Variants in GABRA4 observed in about 807,000 individuals in gnomAD.
The protein encoded by GABRA4 is gamma-aminobutyric acid type A receptor subunit alpha4, also known as gamma-aminobutyric acid receptor subunit alpha-4.
GABRA4 carries 12 observed loss-of-function variants against 49.7 expected under a neutral mutation model. That is an observed-to-expected ratio of 0.24 (90% CI 0.15 to 0.39). The LOEUF (loss-of-function observed/expected upper bound fraction) is 0.39, where lower values mean the gene tolerates loss of function less well. Among genes scored for constraint, GABRA4 ranks in the 10% least tolerant of loss-of-function variants. The pLI, the probability that GABRA4 is intolerant of heterozygous loss-of-function variation, is 1.00. For synonymous variants in GABRA4, 288 were observed against 240.2 expected, an observed-to-expected ratio of 1.20 and a Z score of -1.84; for missense variants, 506 against 686.0, an observed-to-expected ratio of 0.74 and a Z score of 2.93.
At chr4:46,959,932 C>T (rs1200500826) in intron 8 of GABRA4, among the ~76,000 whole-genome samples, 1 of 150,638 alleles carries the variant, frequency 6.6e-6, no homozygotes, top group Non-Finnish European at 1.5e-5. Flanking sequence ...TTAGTAGCTA[C>T]ATGAGACAGT....
chr4:46,928,370 G>T lies in GABRA4; in HGVS notation c.1520C>A (p.Ala507Asp), dbSNP rs532641072. ...GKLSATPPPS[A>D]PPPSGSGTSK... Reference sequence around the variant, plus strand: ...TGTGCCAGATCCAGAAGGTGGTGGAGCCGATGGAGGAGGAGTAGCTGACAA... The same window carrying T: ...TGTGCCAGATCCAGAAGGTGGTGGATCCGATGGAGGAGGAGTAGCTGACAA... Residue 507 changes from alanine to aspartate, a missense_variant, in exon 9 of 9, where the codon GCT (alanine) becomes GAT (aspartate). Around this residue, in one of 5 missense-constraint regions of GABRA4, gnomAD observed 243 missense variants for 210.8 expected, o/e 1.15. Coordinates refer to ENST00000264318, the MANE Select transcript of GABRA4 (RefSeq NM_000809.4). 6.2e-7 allele frequency: 1 copy of T among 1,613,714 alleles called. No homozygotes were observed. Among genetic ancestry groups the T allele is most frequent in the South Asian group, 1.1e-5 (1 of 91,080 alleles).
intron 8 of GABRA4, among the ~76,000 whole-genome samples, chr4:46,942,503 T>C (rs1215193395): frequency 6.6e-6 from 1 of 151,898 alleles, no homozygotes; most frequent in Non-Finnish European, 1.5e-5. Flanking sequence ...TGCACACCTG[T>C]AATCCCAGCT....
chr4:46,971,190 A>T lies in GABRA4; in HGVS notation c.767T>A (p.Met256Lys). The T allele has an allele frequency of 6.2e-7, 1 of 1,609,604 alleles. No homozygotes were observed. Among genetic ancestry groups the T allele is most frequent in the Non-Finnish European group, 8.5e-7 (1 of 1,176,990 alleles). ...MTVYFHLRRK[M>K]GYFMIQTYIP... ...ATAGGTCTGAATCATAAAATAACCC[A>T]TCTTCCGTCTGAGGTGGAAGTAAAC... Residue 256 changes from methionine to lysine, a missense_variant, in exon 7 of 9, where the codon ATG becomes AAG. This residue lies in a region of GABRA4 where 195 missense variants were observed against 326.0 expected (regional missense o/e 0.60). Coordinates refer to ENST00000264318, the MANE Select transcript of GABRA4 (RefSeq NM_000809.4).
rs41303783 is a variant in GABRA4, at chr4:46,993,548, C to T, written c.-124G>A. On this transcript the variant is annotated 5_prime_UTR_variant, in exon 1 of 9. Transcript: ENST00000264318. ...GCGCACACTCGCGCTCACACTCGCC[C>T]GCGCTCAGCCAGCCCGAGCCGCGGT... is the stretch of plus-strand genomic sequence containing the variant. 9.8e-6 allele frequency: 10 copies of T among 1,021,742 alleles called. No homozygotes were observed. The highest frequency in any genetic ancestry group is 1.5e-5 in the South Asian group (1 of 68,938). 63.3% of individuals were successfully genotyped at this position (1,021,742 alleles called of 1,614,324 possible).
At chr4:46,957,326 C>CT in intron 8 of GABRA4, among the ~76,000 whole-genome samples, 1 of 151,678 alleles carries the variant, frequency 6.6e-6, no homozygotes, top group African/African-American at 2.4e-5. Context: ...TTTATACATT[C>CT]TTTTTTTAAC....
At position 46,965,061 on chromosome 4, in the gene GABRA4, A is replaced by G. The variant is rs757704216; in HGVS notation, c.1043T>C (p.Met348Thr). The G allele has an allele frequency of 2.5e-6, 4 of 1,612,108 alleles. No homozygotes were observed. The highest frequency in any genetic ancestry group is 3.4e-6 in the Non-Finnish European group (4 of 1,178,816). ...AAVNYFTNIQ[M>T]EKAKRKTSKP... ...TGATGTCTTCCTTTTGGCTTTTTCC[A>G]TTTGAATATTGGTGAAATAGTTGAC... The change falls in exon 8 of 9, where the codon ATG becomes ACG. Residue 348 changes from methionine (M) to threonine (T), a missense_variant. Transcript: ENST00000264318.
At position 46,927,877 on chromosome 4, in the gene GABRA4, T is replaced by G. The variant is rs1259160997; in HGVS notation, c.*348A>C. The G allele has an allele frequency of 5.4e-6, 1 of 184,074 alleles. No individual in the cohort carries two copies. Among genetic ancestry groups the G allele is most frequent in the African/African-American group, 2.4e-5 (1 of 41,774 alleles). 11.4% of individuals were successfully genotyped at this position (184,074 alleles called of 1,614,324 possible). On this transcript the variant is annotated 3_prime_UTR_variant, in exon 9 of 9. Coordinates refer to ENST00000264318, the MANE Select transcript of GABRA4 (RefSeq NM_000809.4). ...GAAATTTAGGGTGGCAGGTTGATAC[T>G]CATAGGGCAGATTTTTAAAATGTCA...
At chr4:46,946,003 T>C (rs905495168) in intron 8 of GABRA4, among the ~76,000 whole-genome samples, 7 of 152,244 alleles carry the variant, frequency 4.6e-5, no homozygotes, top group African/African-American at 1.7e-4. Flanking sequence ...TGGGAAGAGC[T>C]GACTGTTGAA....
At position 46,974,338 on chromosome 4, in the gene GABRA4, T is replaced by C. The variant is rs1157698387; in HGVS notation, c.615A>G (p.Thr205=). ...CTTCAACTGATTTCTCAGGACCTTT[T>C]GTCCAGGTATAGATCATCTCACTCT... ...YPKSEMIYTW[T]KGPEKSVEVP... The change falls in exon 6 of 9, where the codon ACA becomes ACG. Residue 205 remains threonine, a synonymous_variant. Coordinates refer to ENST00000264318, the MANE Select transcript of GABRA4 (RefSeq NM_000809.4). 6.2e-7 allele frequency: 1 copy of C among 1,611,632 alleles called. No individual in the cohort carries two copies. The highest frequency in any genetic ancestry group is 8.5e-7 in the Non-Finnish European group (1 of 1,178,450).
At chr4:46,973,437 T>C (rs1723027377) in intron 6 of GABRA4, among the ~76,000 whole-genome samples, 1 of 151,740 alleles carries the variant, frequency 6.6e-6, no homozygotes, top group Admixed American at 6.6e-5. Flanking sequence ...TGGGTCCTCA[T>C]TGAACACTGA....
In GABRA4 at chr4:46,974,275, C is replaced by T; in HGVS notation, c.678G>A (p.Leu226=). The T allele has an allele frequency of 6.2e-7, 1 of 1,611,540 alleles. No individual in the cohort carries two copies. Among genetic ancestry groups the T allele is most frequent in the East Asian group, 2.2e-5 (1 of 44,748 alleles). ...KESSSLVQYD[L]IGQTVSSETI... ...TTTCACTTGATACGGTTTGCCCAAT[C>T]AAATCATATTGAACTAAGCTGGAAG... Residue 226 remains leucine (L), a synonymous_variant, in exon 6 of 9, where the codon TTG becomes TTA. Transcript: ENST00000264318.
intron 8 of GABRA4, among the ~76,000 whole-genome samples, chr4:46,940,171 T>C (rs749846156): frequency 1.4e-4 from 22 of 152,238 alleles, no homozygotes; most frequent in South Asian, 2.1e-4. Context: ...ATCTATTCCC[T>C]ATCTTTCTTC....
chr4:46,928,480 A>T lies in GABRA4; in HGVS notation c.1410T>A (p.Val470=). The T allele has an allele frequency of 6.2e-7, 1 of 1,613,658 alleles. No individual in the cohort carries two copies. The highest frequency in any genetic ancestry group is 8.5e-7 in the Non-Finnish European group (1 of 1,179,704). Residue 470 remains valine, a synonymous_variant, in exon 9 of 9, where the codon GTT becomes GTA. Transcript: ENST00000264318. The part of the protein sequence containing the change: ...RTGYMPRKAS[V]GSASTRHVFG... ...ACACGTGACGAGTAGAAGCAGATCCAACTGAAGCCTTTCGAGGCATATATC... is the reference window on the plus strand; with the variant it reads ...ACACGTGACGAGTAGAAGCAGATCCTACTGAAGCCTTTCGAGGCATATATC...
chr4:46,959,261 CAGG>C (rs1406787838), intron 8 of GABRA4, among the ~76,000 whole-genome samples: 3 of 151,844 alleles, frequency 2.0e-5, no homozygotes, highest in Non-Finnish European at 4.4e-5. Context: ...GATCTAGAAT[CAGG>C]AGGATGGGTG....
chr4:46,937,269 C>A (rs999669373), intron 8 of GABRA4, among the ~76,000 whole-genome samples: 31 of 152,178 alleles, frequency 2.0e-4, no homozygotes, highest in Non-Finnish European at 4.4e-5. Flanking sequence ...CTGTTGGAAC[C>A]TTTATCTTAG....
intron 8 of GABRA4, among the ~76,000 whole-genome samples, chr4:46,945,255 C>T (rs767953592): frequency 4.6e-5 from 7 of 152,088 alleles, no homozygotes; most frequent in African/African-American, 7.2e-5. Flanking sequence ...TCTCCTGTCT[C>T]ATACATCTGC....
chr4:46,982,788 G>A (rs1437809406), intron 2 of GABRA4, among the ~76,000 whole-genome samples: 1 of 151,900 alleles, frequency 6.6e-6, no homozygotes. Flanking sequence ...TACATTACAG[G>A]GAAGCAAAAG....
rs187564813 is a variant in GABRA4 at position 46,965,099 on chromosome 4, G to A, written c.1005C>T (p.Ile335=). The A allele has an allele frequency of 5.6e-4, 900 of 1,612,070 alleles. 10 individuals carry two copies. Among genetic ancestry groups the A allele is most frequent in the East Asian group, 5.5e-3 (247 of 44,764 alleles). ...VCFAFVFSAL[I]EFAAVNYFTN... ...TGAAATAGTTGACAGCAGCAAACTC[G>A]ATAAGGGCCGAAAATACAAAAGCAA... is the stretch of plus-strand genomic sequence containing the variant. The change falls in exon 8 of 9, where the codon ATC becomes ATT. Residue 335 remains isoleucine, a synonymous_variant. Transcript: ENST00000264318.
chr4:46,940,140 G>C (rs1463784429), intron 8 of GABRA4, among the ~76,000 whole-genome samples: 5 of 151,986 alleles, frequency 3.3e-5, no homozygotes, highest in Non-Finnish European at 7.4e-5. Context: ...ATATTTTTAT[G>C]ATGTTCTTCT....
Sources: allele counts gnomAD v4.1 joint callset (sites outside exome capture counted in the v4.1 genomes callset), GRCh38; gene constraint gnomAD v4.1.1; regional missense constraint gnomAD v4.1.1; transcripts MANE v1.5; gene names NCBI Gene and HGNC (gene_info 2026-07-23, HGNC 2026-07-21).